The following OGG1 variants were observed in gnomAD, a reference collection of about 807,000 sequenced individuals.
OGG1 encodes N-glycosylase/DNA lyase.
Under a neutral mutation model 42.3 loss-of-function variants are expected in OGG1, and 35 were observed. The observed-to-expected ratio is 0.83, with a 90% CI of 0.63 to 1.10. The LOEUF (loss-of-function observed/expected upper bound fraction) is 1.10. Among genes scored for constraint, OGG1 ranks in the 50% least tolerant of loss-of-function variants. The pLI, the probability that OGG1 is intolerant of heterozygous loss-of-function variation, is 0.00. For synonymous variants in OGG1, 189 were observed against 179.0 expected (o/e 1.06, Z -0.44); for missense variants, 484 against 446.7 (o/e 1.08, Z -0.75).
rs2077305788 is a variant in OGG1 at position 9,751,650 on chromosome 3, T to G, written c.386-120T>G. The G allele has an allele frequency of 3.3e-6, 3 of 915,340 alleles. No homozygotes were observed. In the African/African-American group the frequency reaches 4.9e-5, roughly 15 times the overall value. The allele number at this position is 915,340 out of a possible 1,614,324, so 56.7% of individuals were successfully genotyped here. A position where few individuals can be genotyped will look rare whatever the true frequency, so the allele number is the denominator to read the frequency against. On this transcript the variant is annotated intron_variant, in intron 2 of 6. Coordinates refer to ENST00000344629, the MANE Select transcript of OGG1 (RefSeq NM_002542.6). ...CTGGTGTTGCTTTCTCTAACGGTGC[T>G]GACTCTCATTCTCCTGGGATCCTCC...
At chr3:9,787,853 T>C (rs570832383) in exon 4 of OGG1, 4 of 542,712 alleles carry the variant, frequency 7.4e-6, no homozygotes, top group Admixed American at 2.6e-5. Context: ...GGAGGTAACA[T>C]GAGATCAGGG....
intron 3 of OGG1, 46 bp downstream of exon 3, chr3:9,751,995 A>G (rs779992119): frequency 1.3e-6 from 2 of 1,575,164 alleles, no homozygotes; most frequent in Non-Finnish European, 8.7e-7. Flanking sequence ...TCAGCTTTCA[A>G]GATCTGTTCA....
exon 4 of OGG1, chr3:9,788,081 T>C: frequency 4.3e-6 from 1 of 233,534 alleles, no homozygotes; most frequent in Non-Finnish European, 8.7e-6. Flanking sequence ...CTTGATCCTG[T>C]AGATAACGGG....
At chr3:9,787,757 G>C (rs2078650061) in exon 4 of OGG1, 2 of 1,248,864 alleles carry the variant, frequency 1.6e-6, no homozygotes, top group Non-Finnish European at 2.1e-6. Flanking sequence ...GATAAGTGAA[G>C]TGAAAGAGAG....
intron 3 of OGG1, among the ~76,000 whole-genome samples, chr3:9,785,760 T>C (rs1428753710): frequency 6.6e-6 from 1 of 152,220 alleles, no homozygotes; most frequent in Admixed American, 6.5e-5. Flanking sequence ...CCGAATGCCA[T>C]ACTCTTCTTT....
Position 9,756,772 on chromosome 3 carries a change from T to C in OGG1, c.904T>C (p.Phe302Leu). The C allele has an allele frequency of 6.2e-7, 1 of 1,614,046 alleles. No individual in the cohort carries two copies. Among genetic ancestry groups the C allele is most frequent in the Non-Finnish European group, 8.5e-7 (1 of 1,179,980 alleles). Residue 302 changes from phenylalanine to leucine, a missense_variant, in exon 6 of 7, where the codon TTT (phenylalanine) becomes CTT (leucine). Phe to Leu is a conservative substitution (Grantham distance 22, BLOSUM62 0). Transcript: ENST00000344629. ...TCTCATCACTTCTGATTTAGGAAAC[T>C]TTTTCCGGAGCCTGTGGGGACCTTA... ...SPQTNKELGN[F>L]FRSLWGPYAG...
downstream of OGG1, chr3:9,759,153 C>T (rs201172802): frequency 1.4e-5 from 21 of 1,512,264 alleles, no homozygotes; most frequent in South Asian, 7.9e-5. Context: ...GACATTATTC[C>T]GCTATGCCTC....
At chr3:9,757,723 C>G, downstream of OGG1, 2 of 1,614,146 alleles carry the variant, frequency 1.2e-6, no homozygotes, top group African/African-American at 2.7e-5. This position sits in a 1 kb window ranked among gnomAD's most constrained non-coding sequence, Gnocchi z 4.5. Flanking sequence ...AGAGCCCGCT[C>G]CTCACCCCCA....
chr3:9,761,565 C>G, downstream of OGG1: 2 of 1,613,146 alleles, frequency 1.2e-6, no homozygotes, highest in Non-Finnish European at 1.7e-6. Flanking sequence ...GTGGTGGTGA[C>G]AAATCTCTGC....
At chr3:9,757,653 A>AGG, downstream of OGG1, 2 of 1,614,056 alleles carry the variant, frequency 1.2e-6, no homozygotes, top group Non-Finnish European at 1.7e-6. This position sits in a 1 kb window ranked among gnomAD's most constrained non-coding sequence, Gnocchi z 4.5. Context: ...AGGTGGCCGC[A>AGG]GGGGCAGGCC....
downstream of OGG1, chr3:9,759,836 G>T: frequency 6.2e-7 from 1 of 1,608,880 alleles, no homozygotes; most frequent in Non-Finnish European, 8.5e-7. Flanking sequence ...CCTCAGGTCT[G>T]GCCTGGCATC....
chr3:9,786,097 C>G (rs1264313668), intron 3 of OGG1, among the ~76,000 whole-genome samples: 1 of 152,148 alleles, frequency 6.6e-6, no homozygotes. Context: ...TGCCACTATG[C>G]CCGGCTAATT....
intron 2 of OGG1, chr3:9,781,384 TACTATTATTCATA>T: frequency 2.5e-6 from 1 of 405,946 alleles, no homozygotes. Context: ...GCAAAATATG[TACTATTATTCATA>T]TGTTACCCGT....
At chr3:9,756,667 G>A in intron 5 of OGG1, 46 bp downstream of exon 5, 1 of 1,612,474 alleles carries the variant, frequency 6.2e-7, no homozygotes, top group Non-Finnish European at 8.5e-7. Flanking sequence ...TGGGATGGTA[G>A]AAACTTCTCT....
Position 9,750,335 on chromosome 3 carries a change from G to A in OGG1, c.49G>A (p.Ala17Thr). ...CAGGCGCATGGGGCATCGTACTCTA[G>A]CCTCCACTCCTGCCCTGTGGGCCTC... is the stretch of plus-strand genomic sequence containing the variant. ...LPRRMGHRTL[A>T]STPALWASIP... Residue 17 changes from alanine to threonine, a missense_variant, in exon 1 of 7, where the codon GCC (alanine) becomes ACC (threonine). Ala to Thr is a moderately conservative substitution (Grantham distance 58, BLOSUM62 0). Transcript: ENST00000344629. The A allele has an allele frequency of 1.2e-6, 2 of 1,613,922 alleles. No homozygotes were observed. The highest frequency in any genetic ancestry group is 1.7e-6 in the Non-Finnish European group (2 of 1,180,012).
At chr3:9,763,613 A>G (rs2077998455) in intron 7 of OGG1, among the ~76,000 whole-genome samples, 1 of 152,156 alleles carries the variant, frequency 6.6e-6, no homozygotes. Flanking sequence ...ACCTGGGTCC[A>G]AATCCTGCCC....
At position 9,756,419 on chromosome 3, in the gene OGG1, C is replaced by G; in HGVS notation, c.748-52C>G. ...CGGCTTTGGGGCTATAAGCAAGATGCTGGCCACATGCTGCCCTTCTTCCAC... is the reference window on the plus strand; with the variant it reads ...CGGCTTTGGGGCTATAAGCAAGATGGTGGCCACATGCTGCCCTTCTTCCAC... On this transcript the variant is annotated intron_variant, in intron 4 of 6. Coordinates refer to ENST00000344629, the MANE Select transcript of OGG1 (RefSeq NM_002542.6). 11 of 1,603,886 alleles carry G rather than the reference C, an allele frequency of 6.9e-6. No homozygotes were observed. The South Asian group carries it at 1.1e-4, about 16-fold the overall frequency.
chr3:9,787,196 T>A, intron 3 of OGG1: 1 of 1,614,186 alleles, frequency 6.2e-7, no homozygotes, highest in Non-Finnish European at 8.5e-7. Context: ...GTGAGAGGCC[T>A]ACCTTTAGTG....
intron 3 of OGG1, among the ~76,000 whole-genome samples, chr3:9,782,424 TGAGA>T (rs1246785049): frequency 1.1e-4 from 17 of 152,200 alleles, no homozygotes; most frequent in Non-Finnish European, 2.4e-4. Flanking sequence ...TCAAGACACT[TGAGA>T]GAGTGTACAT....
Sources: allele counts gnomAD v4.1 joint callset (sites outside exome capture counted in the v4.1 genomes callset), GRCh38; gene constraint gnomAD v4.1.1; non-coding constraint Gnocchi (gnomAD v3.1); transcripts MANE v1.5; gene names NCBI Gene and HGNC (gene_info 2026-07-23, HGNC 2026-07-21).